CSMD2: variants seen among roughly 807,000 people sequenced by gnomAD.
The protein encoded by CSMD2 is CUB and Sushi multiple domains 2.
CSMD2 carries 130 observed loss-of-function variants against 398.5 expected under a neutral mutation model. The observed-to-expected ratio is 0.33, with a 90% CI of 0.28 to 0.38. CSMD2 has a LOEUF of 0.38. Among genes scored for constraint, CSMD2 ranks in the 10% least tolerant of loss-of-function variants. The probability of loss-of-function intolerance (pLI) is 1.00; values close to 1 mark genes in which losing one functional copy is unlikely to be tolerated. For missense variants in CSMD2, 3,829 were observed against 4,764.9 expected, an observed-to-expected ratio of 0.80 and a Z score of 5.78; for synonymous variants, 1,828 against 1,908.5, an observed-to-expected ratio of 0.96 and a Z score of 1.10.
chr1:33,748,630 G>A (rs1042948854), intron 13 of CSMD2, among the ~76,000 whole-genome samples: 2 of 152,056 alleles, frequency 1.3e-5, no homozygotes, highest in African/African-American at 4.8e-5. Flanking sequence ...GTCCTTTATA[G>A]AGACCTAATA....
intron 36 of CSMD2, among the ~76,000 whole-genome samples, chr1:33,623,151 T>C (rs571251691): frequency 6.6e-6 from 1 of 152,336 alleles, no homozygotes; most frequent in South Asian, 2.1e-4. Context: ...AATGGGTACC[T>C]GGTTTATTTT....
At chr1:33,789,297 G>A (rs1001619624) in intron 11 of CSMD2, among the ~76,000 whole-genome samples, 3 of 152,118 alleles carry the variant, frequency 2.0e-5, no homozygotes, top group African/African-American at 7.2e-5. Context: ...GTGTGGGGGC[G>A]GGGAGGGGGG....
intron 1 of CSMD2, among the ~76,000 whole-genome samples, chr1:34,109,905 G>T (rs1571151314): frequency 6.6e-6 from 1 of 151,956 alleles, no homozygotes; most frequent in Non-Finnish European, 1.5e-5. Flanking sequence ...GCCGGGCGTG[G>T]TGGTGTGCGC....
chr1:33,757,130 G>A (rs1164014453), intron 13 of CSMD2, among the ~76,000 whole-genome samples: 1 of 151,820 alleles, frequency 6.6e-6, no homozygotes, highest in East Asian at 1.9e-4. Flanking sequence ...ACACAGGAAG[G>A]GGAACATCAC....
At chr1:34,000,969 G>A (rs1646882474) in intron 3 of CSMD2, among the ~76,000 whole-genome samples, 1 of 151,036 alleles carries the variant, frequency 6.6e-6, no homozygotes, top group Non-Finnish European at 1.5e-5. Context: ...AGTAGAAAGA[G>A]GAGGAGGAAG....
intron 3 of CSMD2, among the ~76,000 whole-genome samples, chr1:33,942,053 T>C (rs945133669): frequency 6.6e-6 from 1 of 152,226 alleles, no homozygotes. Context: ...TGTATAATAA[T>C]AACTTCATAA....
At chr1:34,044,863 C>T (rs939805057) in intron 2 of CSMD2, among the ~76,000 whole-genome samples, 7 of 152,128 alleles carry the variant, frequency 4.6e-5, no homozygotes, top group African/African-American at 7.2e-5. Flanking sequence ...ATGTAAGCAA[C>T]GTTTGTCACA....
At position 33,542,712 on chromosome 1, in the gene CSMD2, G is replaced by C. The variant is rs750390291; in HGVS notation, c.9277+8C>G. Reference sequence around the variant, plus strand: ...TGGCCATGGAACCCGTAGGGCCTGAGCTCTCACCGAGGCACTCAGGGTCAC... The same window carrying C: ...TGGCCATGGAACCCGTAGGGCCTGACCTCTCACCGAGGCACTCAGGGTCAC... On this transcript the variant is annotated splice_region_variant and intron_variant, in intron 58 of 70. Coordinates refer to ENST00000373381, the MANE Select transcript of CSMD2 (RefSeq NM_001281956.2). The C allele has an allele frequency of 4.3e-6, 7 of 1,611,712 alleles. No individual in the cohort carries two copies. In the Admixed American group the frequency reaches 1.0e-4, roughly 23 times the overall value.
intron 25 of CSMD2, among the ~76,000 whole-genome samples, chr1:33,691,222 G>A (rs367911009): frequency 2.0e-5 from 3 of 152,148 alleles, no homozygotes; most frequent in South Asian, 2.1e-4. Context: ...GGCTGAAGTC[G>A]CTGTAGCCTC....
chr1:34,076,922 A>AAG, intron 2 of CSMD2, among the ~76,000 whole-genome samples: 1 of 107,134 alleles, frequency 9.3e-6, no homozygotes, highest in Non-Finnish European at 1.8e-5. Flanking sequence ...AAAAAAAAAA[A>AAG]AAAAAAATAT....
At chr1:33,767,633 G>A (rs549939816) in intron 13 of CSMD2, among the ~76,000 whole-genome samples, 26 of 152,250 alleles carry the variant, frequency 1.7e-4, no homozygotes, top group Middle Eastern at 3.4e-3. Context: ...ATAAATGAAC[G>A]GGTAGAAGGA....
At chr1:33,832,714 T>C (rs1192861588) in intron 6 of CSMD2, among the ~76,000 whole-genome samples, 3 of 150,882 alleles carry the variant, frequency 2.0e-5, no homozygotes, top group East Asian at 4.0e-4. Context: ...ATCCAGGAGC[T>C]GGTTTTTTGA....
At chr1:33,529,267 A>G (rs1029384080) in intron 64 of CSMD2, among the ~76,000 whole-genome samples, 7 of 152,226 alleles carry the variant, frequency 4.6e-5, no homozygotes, top group African/African-American at 1.7e-4. Flanking sequence ...CAGCCTTCTG[A>G]ATAGCTAAGA....
intron 9 of CSMD2, among the ~76,000 whole-genome samples, chr1:33,815,649 A>G (rs1039860577): frequency 6.6e-6 from 1 of 152,246 alleles, no homozygotes; most frequent in East Asian, 1.9e-4. Flanking sequence ...GCCCTTGGGC[A>G]AGTTGGCTGC....
intron 25 of CSMD2, among the ~76,000 whole-genome samples, chr1:33,672,308 C>T (rs1377440347): frequency 1.3e-5 from 2 of 152,246 alleles, no homozygotes; most frequent in Non-Finnish European, 2.9e-5. Context: ...ACAAACGGCA[C>T]ACCAGGAGAT....
At chr1:33,720,534 G>A (rs1451006269) in intron 19 of CSMD2, among the ~76,000 whole-genome samples, 1 of 152,146 alleles carries the variant, frequency 6.6e-6, no homozygotes, top group African/African-American at 2.4e-5. Flanking sequence ...GTGTTCCAGA[G>A]AGAAGAACAT....
At chr1:33,663,170 C>T in intron 25 of CSMD2, 78 bp from the exon 26 acceptor site, 1 of 1,226,042 alleles carries the variant, frequency 8.2e-7, no homozygotes, top group Non-Finnish European at 1.2e-6. Flanking sequence ...GGTCCTAAAC[C>T]TACGAAGACT....
At chr1:34,131,869 AG>A (rs1342749710) in intron 1 of CSMD2, among the ~76,000 whole-genome samples, 1 of 152,104 alleles carries the variant, frequency 6.6e-6, no homozygotes, top group Non-Finnish European at 1.5e-5. Context: ...CTGCAATGCA[AG>A]GGTCAGGATC....
chr1:33,650,586 T>C (rs1571088456), intron 28 of CSMD2, among the ~76,000 whole-genome samples: 2 of 151,950 alleles, frequency 1.3e-5, no homozygotes, highest in African/African-American at 4.8e-5. Flanking sequence ...ACTGGAGAGG[T>C]AGGCAAGCAC....
Sources: allele counts gnomAD v4.1 joint callset (sites outside exome capture counted in the v4.1 genomes callset), GRCh38; gene constraint gnomAD v4.1.1; transcripts MANE v1.5; gene names NCBI Gene and HGNC (gene_info 2026-07-23, HGNC 2026-07-21).